USP21: variants seen among roughly 807,000 people sequenced by gnomAD.
The protein encoded by USP21 is ubiquitin specific peptidase 21.
USP21 carries 37 observed loss-of-function variants against 70.8 expected under a neutral mutation model. The ratio of observed to expected loss-of-function variants is 0.52; its 90% CI spans 0.40 to 0.69. The LOEUF is 0.69. USP21 is among the 30% of genes least tolerant of loss of function. The pLI, the probability that USP21 is intolerant of heterozygous loss-of-function variation, is 0.00. For missense variants in USP21, 584 were observed against 740.8 expected, an observed-to-expected ratio of 0.79 and a Z score of 2.46; for synonymous variants, 263 against 283.1, an observed-to-expected ratio of 0.93 and a Z score of 0.71.
Position 161,161,392 on chromosome 1 carries a change from C to T in USP21, c.600+152C>T. 1.0e-6 allele frequency: 1 copy of T among 996,870 alleles called. No homozygotes were observed. Among genetic ancestry groups the T allele is most frequent in the Non-Finnish European group, 1.4e-6 (1 of 695,032 alleles). 61.8% of individuals were successfully genotyped at this position (996,870 alleles called of 1,614,324 possible). On this transcript the variant is annotated intron_variant, in intron 3 of 13. Coordinates refer to ENST00000368002, the MANE Select transcript of USP21 (RefSeq NM_001014443.3). This position sits in a 1 kb window ranked among gnomAD's most constrained non-coding sequence, Gnocchi z 4.2. ...CATGCCTCTCCCTTGCTTAAATACC[C>T]TTGAGCCTCCTAGACCCTTTTTTGG...
chr1:161,165,364 C>T lies in USP21; in HGVS notation c.1615C>T (p.Pro539Ser). The change falls in exon 14 of 14, where the codon CCT (proline) becomes TCT (serine). Residue 539 changes from proline to serine, a missense_variant. Coordinates refer to ENST00000368002, the MANE Select transcript of USP21 (RefSeq NM_001014443.3). ...GATCTCCTTTTTTCCTAGTGTCTCC[C>T]CTGTCAGTGAAAACCAGGTGGCATC... is the stretch of plus-strand genomic sequence containing the variant. The part of the protein sequence containing the change: ...WHVYNDSRVS[P>S]VSENQVASSE... 7 of 1,613,996 alleles carry T rather than the reference C, an allele frequency of 4.3e-6. No individual in the cohort carries two copies. The highest frequency in any genetic ancestry group is 5.9e-6 in the Non-Finnish European group (7 of 1,179,902).
chr1:161,165,439 T>C lies in USP21; in HGVS notation c.1690T>C (p.Cys564Arg). The C allele has an allele frequency of 6.2e-7, 1 of 1,613,752 alleles. No individual in the cohort carries two copies. The change falls in exon 14 of 14, where the codon TGC becomes CGC. Residue 564 changes from cysteine to arginine, a missense_variant. Coordinates refer to ENST00000368002, the MANE Select transcript of USP21 (RefSeq NM_001014443.3). ...CCAACTGATGCAGGAGCCACCCCGGTGCCTGTGACACCTCTAAGCTCTGGC... is the reference window on the plus strand; with the variant it reads ...CCAACTGATGCAGGAGCCACCCCGGCGCCTGTGACACCTCTAAGCTCTGGC... ...FYQLMQEPPR[C>R]L
Position 161,161,887 on chromosome 1 carries a change from G to A in USP21, c.601-151G>A, listed in dbSNP as rs116430837. The A allele has an allele frequency of 9.7e-4, 720 of 742,280 alleles. 1 individual carries two copies. The African/African-American group carries it at 0.011, about 11-fold the overall frequency. 46.0% of individuals were successfully genotyped at this position (742,280 alleles called of 1,614,324 possible). On this transcript the variant is annotated intron_variant, in intron 3 of 13. Transcript: ENST00000368002. The surrounding 1 kb of genome is among the most constrained non-coding windows in gnomAD (Gnocchi z 4.2). ...CTTACTGCTCATGACCAGTGAGGTA[G>A]GGAGACTAGAATACCTAGTGAGGGG...
rs973299638 is a variant in USP21, at chr1:161,161,645, T to A, written c.601-393T>A. ...TCTGAGCTAAGTAAGCTAGGCTGATTGCAATTGGAGCCAGCAGGAGAAGGG... is the reference window on the plus strand; with the variant it reads ...TCTGAGCTAAGTAAGCTAGGCTGATAGCAATTGGAGCCAGCAGGAGAAGGG... On this transcript the variant is annotated intron_variant, in intron 3 of 13. Transcript: ENST00000368002. The surrounding 1 kb of genome is among the most constrained non-coding windows in gnomAD (Gnocchi z 4.2). The A allele has an allele frequency of 2.1e-5, 8 of 382,282 alleles. No homozygotes were observed. 23.7% of individuals were successfully genotyped at this position (382,282 alleles called of 1,614,324 possible).
rs1558004714 is a variant in USP21 at position 161,163,063 on chromosome 1, A to G, written c.1038A>G (p.Glu346=). Residue 346 remains glutamate (E), a synonymous_variant, in exon 7 of 14, where the codon GAA becomes GAG. Transcript: ENST00000368002. ...PPRRGGALLE[E]PELSDDDRAN... Reference sequence around the variant, plus strand: ...GCCGAGGAGGGGCTCTGCTAGAAGAACCTGAGTTAAGGTAAGGGTCGTTCC... The same window carrying G: ...GCCGAGGAGGGGCTCTGCTAGAAGAGCCTGAGTTAAGGTAAGGGTCGTTCC... The G allele has an allele frequency of 6.2e-7, 1 of 1,603,968 alleles. No homozygotes were observed. Among genetic ancestry groups the G allele is most frequent in the East Asian group, 2.2e-5 (1 of 44,798 alleles).
At position 161,160,792 on chromosome 1, in the gene USP21, C is replaced by T. The variant is rs771414801; in HGVS notation, c.152C>T (p.Pro51Leu). The change falls in exon 3 of 14, where the codon CCT (proline) becomes CTT (leucine). Residue 51 changes from proline (P) to leucine (L), a missense_variant. Pro to Leu is a moderately conservative substitution (Grantham distance 98). Transcript: ENST00000368002. ...TCTGGGCCAAACCCCATGTTACGACCTCTGCCTCCCCGGCCAGGTCTGCCT... is the reference window on the plus strand; with the variant it reads ...TCTGGGCCAAACCCCATGTTACGACTTCTGCCTCCCCGGCCAGGTCTGCCT... ...PASGPNPMLR[P>L]LPPRPGLPDE... 3 of 1,614,230 alleles carry T rather than the reference C, an allele frequency of 1.9e-6. No homozygotes were observed. Among genetic ancestry groups the T allele is most frequent in the South Asian group, 2.2e-5 (2 of 91,086 alleles).
In USP21 at chr1:161,160,350, C is replaced by G. The variant is rs1008843007; in HGVS notation, c.-162-16C>G. On this transcript the variant is annotated splice_polypyrimidine_tract_variant and intron_variant, in intron 1 of 13. Coordinates refer to ENST00000368002, the MANE Select transcript of USP21 (RefSeq NM_001014443.3). ...ATAGATACTAAGTATTTACTTTGTA[C>G]CAAACACGATGCCAGGTACTGGGGA... is the stretch of plus-strand genomic sequence containing the variant. 4.1e-6 allele frequency: 2 copies of G among 485,550 alleles called. No homozygotes were observed. The highest frequency in any genetic ancestry group is 1.9e-5 in the African/African-American group (1 of 51,604). The allele number at this position is 485,550 out of a possible 1,614,324, so 30.1% of individuals were successfully genotyped here.
At position 161,160,873 on chromosome 1, in the gene USP21, C is replaced by G; in HGVS notation, c.233C>G (p.Pro78Arg). The G allele has an allele frequency of 1.2e-6, 2 of 1,614,248 alleles. No homozygotes were observed. Among genetic ancestry groups the G allele is most frequent in the Middle Eastern group, 3.3e-4 (2 of 6,060 alleles). Residue 78 changes from proline to arginine, a missense_variant, in exon 3 of 14, where the codon CCC becomes CGC. Pro to Arg is a moderately radical substitution (Grantham distance 103). Around this residue, in one of 4 missense-constraint regions of USP21, gnomAD observed 284 missense variants for 281.0 expected, o/e 1.01. Transcript: ENST00000368002. Reference protein sequence around the residue: ...LGRGRTSGPRPRGPLRADHGV... With the variant: ...LGRGRTSGPRRRGPLRADHGV... ...CGGGGACGGACCTCAGGCCCTCGTC[C>G]CAGAGGCCCCCTTCGAGCAGATCAT...
chr1:161,164,662 TC>T lies in USP21; in HGVS notation c.1384+51del. 6.2e-7 allele frequency: 1 copy of T among 1,610,824 alleles called. No individual in the cohort carries two copies. The highest frequency in any genetic ancestry group is 8.5e-7 in the Non-Finnish European group (1 of 1,178,152). On this transcript the variant is annotated intron_variant, in intron 11 of 13. Coordinates refer to ENST00000368002, the MANE Select transcript of USP21 (RefSeq NM_001014443.3). This position sits in a 1 kb window ranked among gnomAD's most constrained non-coding sequence, Gnocchi z 4.2. ...TTCTCTTAGGATACCTCCCATACATTCTCTTTCCTCCATGTTTCCAGAGAAT... is the reference window on the plus strand; with the variant it reads ...TTCTCTTAGGATACCTCCCATACATTTCTTTCCTCCATGTTTCCAGAGAAT...
In USP21 at chr1:161,162,876, C is replaced by CT. The variant is rs1658046428; in HGVS notation, c.894-42dup. On this transcript the variant is annotated intron_variant, in intron 6 of 13. Transcript: ENST00000368002. The surrounding 1 kb of genome is among the most constrained non-coding windows in gnomAD (Gnocchi z 4.1). The stretch of plus-strand genomic sequence containing the variant: ...CTGGGCAGGGAATAGTGTCTGTGGA[C>CT]TAGGAGAGGAGTCAGTTGCCCATAC... 1.3e-6 allele frequency: 2 copies of CT among 1,597,702 alleles called. No individual in the cohort carries two copies. The highest frequency in any genetic ancestry group is 1.7e-6 in the Non-Finnish European group (2 of 1,169,946).
chr1:161,165,598 A>G lies in USP21; in HGVS notation c.*151A>G, dbSNP rs1233155550. 1.7e-6 allele frequency: 1 copy of G among 600,536 alleles called. No homozygotes were observed. Among genetic ancestry groups the G allele is most frequent in the South Asian group, 2.1e-5 (1 of 46,946 alleles). 37.2% of individuals were successfully genotyped at this position (600,536 alleles called of 1,614,324 possible). On this transcript the variant is annotated 3_prime_UTR_variant, in exon 14 of 14. Coordinates refer to ENST00000368002, the MANE Select transcript of USP21 (RefSeq NM_001014443.3). ...TCCATTATTTTTTTTATTAAAAAAT[A>G]CCCTTCCACCTGGAGGCTCCCTTGT... is the stretch of plus-strand genomic sequence containing the variant.
rs762760965 is a variant in USP21 at position 161,161,048 on chromosome 1, G to A, written c.408G>A (p.Gly136=). The change falls in exon 3 of 14, where the codon GGG becomes GGA. Residue 136 remains glycine (G), a synonymous_variant. Transcript: ENST00000368002. This position sits in a 1 kb window ranked among gnomAD's most constrained non-coding sequence, Gnocchi z 4.2. ...GGCACCGTGGCACCGGAGAGCTTGG[G>A]GCTGCACTGAGCCGCTTGGCCCTCC... ...LGGHRGTGEL[G]AALSRLALRP... The A allele has an allele frequency of 6.2e-7, 1 of 1,614,112 alleles. No homozygotes were observed. Among genetic ancestry groups the A allele is most frequent in the Non-Finnish European group, 8.5e-7 (1 of 1,180,050 alleles).
At position 161,162,575 on chromosome 1, in the gene USP21, C is replaced by T. The variant is rs572383051; in HGVS notation, c.782-40C>T. 145 of 1,559,478 alleles carry T rather than the reference C, an allele frequency of 9.3e-5. No individual in the cohort carries two copies. In the South Asian group the frequency reaches 1.4e-3, roughly 15 times the overall value. On this transcript the variant is annotated intron_variant, in intron 5 of 13. Coordinates refer to ENST00000368002, the MANE Select transcript of USP21 (RefSeq NM_001014443.3). This position sits in a 1 kb window ranked among gnomAD's most constrained non-coding sequence, Gnocchi z 4.1. ...CCACCTTTTGCTTGCCTCTTCCAGA[C>T]ATTAACCTTTGTTTGCCTTCCCCAC...
rs769604880 is a variant in USP21 at position 161,164,529 on chromosome 1, T to C, written c.1306-5T>C. The C allele has an allele frequency of 1.2e-6, 2 of 1,614,204 alleles. No homozygotes were observed. Among genetic ancestry groups the C allele is most frequent in the South Asian group, 1.1e-5 (1 of 91,084 alleles). On this transcript the variant is annotated splice_polypyrimidine_tract_variant and splice_region_variant and intron_variant, in intron 10 of 13. Transcript: ENST00000368002. The surrounding 1 kb of genome is among the most constrained non-coding windows in gnomAD (Gnocchi z 4.2). Reference sequence around the variant, plus strand: ...TTAACCTAACACTGTTTGCCATTTATTCAGGTGTGTGACCGATGTCGGCAG... The same window carrying C: ...TTAACCTAACACTGTTTGCCATTTACTCAGGTGTGTGACCGATGTCGGCAG...
rs770080450 is a variant in USP21 at position 161,163,941 on chromosome 1, C to A, written c.1178C>A (p.Thr393Asn). The A allele has an allele frequency of 6.2e-7, 1 of 1,614,154 alleles. No individual in the cohort carries two copies. The highest frequency in any genetic ancestry group is 8.5e-7 in the Non-Finnish European group (1 of 1,180,042). Reference sequence around the variant, plus strand: ...CAGGCCTGTGGGTATCGCTCCACGACCTTCGAGGTTTTTTGTGACCTGTCC... The same window carrying A: ...CAGGCCTGTGGGTATCGCTCCACGAACTTCGAGGTTTTTTGTGACCTGTCC... Reference protein sequence around the residue: ...KCQACGYRSTTFEVFCDLSLP... With the variant: ...KCQACGYRSTNFEVFCDLSLP... The change falls in exon 9 of 14, where the codon ACC (threonine) becomes AAC (asparagine). Residue 393 changes from threonine to asparagine, a missense_variant. By Grantham distance (65) the Thr-to-Asn change is moderately conservative. Coordinates refer to ENST00000368002, the MANE Select transcript of USP21 (RefSeq NM_001014443.3).
chr1:161,163,041 G>C lies in USP21; in HGVS notation c.1016G>C (p.Arg339Pro). ...GGTCCAGTTCCCTCTCCACCCCGCC[G>C]AGGAGGGGCTCTGCTAGAAGAACCT... The part of the protein sequence containing the change: ...ANGPVPSPPR[R>P]GGALLEEPEL... Residue 339 changes from arginine (R) to proline (P), a missense_variant, in exon 7 of 14, where the codon CGA becomes CCA. This residue lies in a region of USP21 where 40 missense variants were observed against 29.3 expected (regional missense o/e 1.37). Coordinates refer to ENST00000368002, the MANE Select transcript of USP21 (RefSeq NM_001014443.3). The C allele has an allele frequency of 1.2e-6, 2 of 1,611,422 alleles. No individual in the cohort carries two copies. The highest frequency in any genetic ancestry group is 1.7e-6 in the Non-Finnish European group (2 of 1,179,162).
chr1:161,165,485 AC>A lies in USP21; in HGVS notation c.*41del. On this transcript the variant is annotated 3_prime_UTR_variant, in exon 14 of 14. Transcript: ENST00000368002. ...CTGGCACCTGTGAAGCCCTTTAAAC[AC>A]CCTTAAGCCCCAGGCTCCCCGTTTA... 6.9e-7 allele frequency: 1 copy of A among 1,455,818 alleles called. No individual in the cohort carries two copies. The allele number at this position is 1,455,818 out of a possible 1,614,324, so 90.2% of individuals were successfully genotyped here.
chr1:161,164,882 G>A lies in USP21; in HGVS notation c.1432G>A (p.Val478Ile). 1.2e-5 allele frequency: 19 copies of A among 1,614,164 alleles called. No individual in the cohort carries two copies. Among genetic ancestry groups the A allele is most frequent in the Non-Finnish European group, 1.6e-5 (19 of 1,180,002 alleles). The change falls in exon 12 of 14, where the codon GTA (valine) becomes ATA (isoleucine). Residue 478 changes from valine to isoleucine, a missense_variant. Coordinates refer to ENST00000368002, the MANE Select transcript of USP21 (RefSeq NM_001014443.3). The surrounding 1 kb of genome is among the most constrained non-coding windows in gnomAD (Gnocchi z 4.2). ...CCGAGGCTCCATCAAAAAAAGTTCA[G>A]TAGGTGTAGACTTTCCACTGCAGCG... Reference protein sequence around the residue: ...ASRGSIKKSSVGVDFPLQRLS... With the variant: ...ASRGSIKKSSIGVDFPLQRLS...
At position 161,164,889 on chromosome 1, in the gene USP21, T is replaced by C; in HGVS notation, c.1439T>C (p.Val480Ala). The C allele has an allele frequency of 6.2e-7, 1 of 1,614,168 alleles. No homozygotes were observed. The highest frequency in any genetic ancestry group is 8.5e-7 in the Non-Finnish European group (1 of 1,180,004). ...TCCATCAAAAAAAGTTCAGTAGGTG[T>C]AGACTTTCCACTGCAGCGACTGAGC... ...RGSIKKSSVGVDFPLQRLSLG... is the reference protein window; with the variant it reads ...RGSIKKSSVGADFPLQRLSLG... Residue 480 changes from valine (V) to alanine (A), a missense_variant, in exon 12 of 14, where the codon GTA becomes GCA. Transcript: ENST00000368002. This position sits in a 1 kb window ranked among gnomAD's most constrained non-coding sequence, Gnocchi z 4.2.
Sources: gnomAD v4.1 joint callset for allele counts on GRCh38, gnomAD v4.1.1 for gene constraint, gnomAD v4.1.1 regional missense constraint, Gnocchi (gnomAD v3.1) non-coding constraint, MANE v1.5 for transcripts, NCBI Gene and HGNC (gene_info 2026-07-23, HGNC 2026-07-21) for gene names.